Variants in PTPRN2 observed in about 807,000 individuals in gnomAD.
The protein encoded by PTPRN2 is receptor-type tyrosine-protein phosphatase N2.
Under a neutral mutation model 118.8 loss-of-function variants are expected in PTPRN2, and 74 were observed. That is an observed-to-expected ratio of 0.62 (90% confidence interval 0.52 to 0.76). The LOEUF (loss-of-function observed/expected upper bound fraction) is 0.76, where lower values mean the gene tolerates loss of function less well. Among genes scored for constraint, PTPRN2 ranks in the 30% least tolerant of loss-of-function variants. PTPRN2 has a pLI of 0.00. For missense variants in PTPRN2, 1,481 were observed against 1,394.4 expected (o/e 1.06, Z -0.99); for synonymous variants, 641 against 608.0 (o/e 1.05, Z -0.80).
chr7:158,306,353 A>G (rs1436773052), intron 3 of PTPRN2, among the ~76,000 whole-genome samples: 1 of 152,214 alleles, frequency 6.6e-6, no homozygotes, highest in Non-Finnish European at 1.5e-5. Flanking sequence ...CAGGGAAGAC[A>G]TGAGGCTCTA....
Position 157,617,970 on chromosome 7 carries a change from G to A in PTPRN2, c.2344+3392C>T, listed in dbSNP as rs1585119241. ...TGTTCTTCATCTGAAATGCAGACAA[G>A]CGAAATGCTGCATAATTCTTTTTTA... On this transcript the variant is annotated intron_variant, in intron 15 of 22. Transcript: ENST00000389418. This position sits in a 1 kb window ranked among gnomAD's most constrained non-coding sequence, Gnocchi z 7.5. The A allele has an allele frequency of 6.6e-6, 1 of 152,246 alleles. No homozygotes were observed. The highest frequency in any genetic ancestry group is 2.4e-5 in the African/African-American group (1 of 41,470). The allele number at this position is 152,246 out of a possible 1,614,324, so 9.4% of individuals were successfully genotyped here.
rs1168949465 is a variant in PTPRN2 at position 157,764,475 on chromosome 7, T to A, written c.1789-81538A>T. On this transcript the variant is annotated intron_variant, in intron 12 of 22. Coordinates refer to ENST00000389418, the MANE Select transcript of PTPRN2 (RefSeq NM_002847.5). The surrounding 1 kb of genome is among the most constrained non-coding windows in gnomAD (Gnocchi z 4.5). ...TGTTATGCTAAGTGAAATAAGCCAG[T>A]CACAATATGATAAACACTGTGTGAT... 3.9e-5 allele frequency among the ~76,000 whole-genome samples: 6 copies of A among 152,168 alleles called. No individual in the cohort carries two copies. The highest frequency in any genetic ancestry group is 1.4e-4 in the African/African-American group (6 of 41,424).
chr7:158,220,993 A>G (rs1027146094), intron 3 of PTPRN2, among the ~76,000 whole-genome samples: 1 of 152,200 alleles, frequency 6.6e-6, no homozygotes, highest in African/African-American at 2.4e-5. Flanking sequence ...TAACCAAAAC[A>G]GCATGGTACT....
chr7:157,672,865 G>C (rs567047449), intron 13 of PTPRN2, among the ~76,000 whole-genome samples: 14 of 152,236 alleles, frequency 9.2e-5, no homozygotes, highest in Admixed American at 9.2e-4. Context: ...TAATGTAATC[G>C]TCTGCGAATC....
chr7:158,394,424 C>G (rs1812172102), intron 2 of PTPRN2, among the ~76,000 whole-genome samples: 1 of 152,224 alleles, frequency 6.6e-6, no homozygotes, highest in Admixed American at 6.5e-5. Context: ...ACCTGTGGAA[C>G]TGCTGTCCCA....
At chr7:158,305,091 G>T (rs1360330753) in intron 3 of PTPRN2, among the ~76,000 whole-genome samples, 1 of 152,208 alleles carries the variant, frequency 6.6e-6, no homozygotes, top group Non-Finnish European at 1.5e-5. Flanking sequence ...CTGGTCAGCT[G>T]TGCCTGGACA....
intron 11 of PTPRN2, among the ~76,000 whole-genome samples, chr7:158,033,951 G>A (rs1358717628): frequency 6.6e-6 from 1 of 151,616 alleles, no homozygotes; most frequent in African/African-American, 2.4e-5. Flanking sequence ...GCAATGCTGT[G>A]TGTGTGGCTG....
chr7:157,615,289 C>A lies in PTPRN2; in HGVS notation c.2344+6073G>T. ...CACTTCTGCTCCAGAGAGGGCCCTG[C>A]AAGAGCGGTGTGCGTGGGTTGCGGC... On this transcript the variant is annotated intron_variant, in intron 15 of 22. Transcript: ENST00000389418. This position sits in a 1 kb window ranked among gnomAD's most constrained non-coding sequence, Gnocchi z 4.3. 2.7e-6 allele frequency: 1 copy of A among 364,396 alleles called. No homozygotes were observed. The highest frequency in any genetic ancestry group is 5.6e-6 in the Non-Finnish European group (1 of 178,330). 22.6% of individuals were successfully genotyped at this position (364,396 alleles called of 1,614,324 possible).
chr7:158,017,858 C>G (rs1281349599), intron 11 of PTPRN2, among the ~76,000 whole-genome samples: 1 of 152,208 alleles, frequency 6.6e-6, no homozygotes, highest in Non-Finnish European at 1.5e-5. Context: ...CCACCTGAGG[C>G]TGTGCCCATC....
chr7:158,358,376 G>A (rs185626457), intron 2 of PTPRN2, among the ~76,000 whole-genome samples: 8 of 152,340 alleles, frequency 5.3e-5, no homozygotes, highest in Admixed American at 2.6e-4. Context: ...GGCTGCAGGC[G>A]GCTCTGCCCT....
At chr7:158,251,005 GC>G (rs1158044733) in intron 3 of PTPRN2, among the ~76,000 whole-genome samples, 15 of 152,002 alleles carry the variant, frequency 9.9e-5, no homozygotes, top group Non-Finnish European at 1.2e-4. Context: ...GGAAGTTAAA[GC>G]CCCCTGGAAA....
chr7:157,622,471 C>T lies in PTPRN2; in HGVS notation c.2197-962G>A, dbSNP rs1431135398. ...ATTGATCCGAGGAGCTGGGATGGTC[C>T]CTCCCTGCCCACTGGGGCCCGTTCC... is the stretch of plus-strand genomic sequence containing the variant. On this transcript the variant is annotated intron_variant, in intron 14 of 22. Transcript: ENST00000389418. This position sits in a 1 kb window ranked among gnomAD's most constrained non-coding sequence, Gnocchi z 5.3. Among the ~76,000 whole-genome samples, 1 of 152,112 alleles carries T rather than the reference C, an allele frequency of 6.6e-6. No individual in the cohort carries two copies. Among genetic ancestry groups the T allele is most frequent in the East Asian group, 1.9e-4 (1 of 5,156 alleles).
intron 15 of PTPRN2, among the ~76,000 whole-genome samples, chr7:157,607,735 C>A (rs1802089858): frequency 6.6e-6 from 1 of 152,216 alleles, no homozygotes; most frequent in Admixed American, 6.5e-5. Flanking sequence ...TTGGACTCAG[C>A]AGACAAGTGC....
intron 9 of PTPRN2, among the ~76,000 whole-genome samples, chr7:158,132,319 T>C (rs1818406759): frequency 7.1e-6 from 1 of 140,714 alleles, no homozygotes; most frequent in Non-Finnish European, 1.6e-5. Flanking sequence ...TACACACTCA[T>C]ACACACACAT....
intron 2 of PTPRN2, among the ~76,000 whole-genome samples, chr7:158,388,358 C>T (rs1405899629): frequency 1.3e-5 from 2 of 152,196 alleles, no homozygotes; most frequent in African/African-American, 2.4e-5. Context: ...GACAGCCAGG[C>T]CACCTGCATT....
rs570678004 is a variant in PTPRN2 at position 157,919,780 on chromosome 7, G to A, written c.1724-21043C>T. Among the ~76,000 whole-genome samples, 24 of 152,280 alleles carry A rather than the reference G, an allele frequency of 1.6e-4. No homozygotes were observed. In the South Asian group the frequency reaches 3.1e-3, roughly 20 times the overall value. On this transcript the variant is annotated intron_variant, in intron 11 of 22. Transcript: ENST00000389418. ...ATATCTATTTATAGTCATGCACCAC[G>A]TACTAACGTTTTGGTCAGTGATGAA...
chr7:158,324,212 C>T (rs115777788), intron 2 of PTPRN2, among the ~76,000 whole-genome samples: 1,844 of 152,272 alleles, frequency 0.012, 40 homozygotes, highest in African/African-American at 0.042. Context: ...CAGGACCACC[C>T]TCTCCCCGGT....
Position 157,808,203 on chromosome 7 carries a change from G to A in PTPRN2, c.1788+90470C>T, listed in dbSNP as rs957559193. The stretch of plus-strand genomic sequence containing the variant: ...GTGAGTGGTGGGTGAGTGAGCTGTT[G>A]AGTGGCCGGTGAGTGGTGGGTGAGT... On this transcript the variant is annotated intron_variant, in intron 12 of 22. Transcript: ENST00000389418. The surrounding 1 kb of genome is among the most constrained non-coding windows in gnomAD (Gnocchi z 5.0). 4.0e-5 allele frequency among the ~76,000 whole-genome samples: 6 copies of A among 151,482 alleles called. No individual in the cohort carries two copies.
chr7:158,075,819 C>T (rs1435914374), intron 11 of PTPRN2, among the ~76,000 whole-genome samples: 5 of 152,244 alleles, frequency 3.3e-5, no homozygotes, highest in South Asian at 4.1e-4. Flanking sequence ...ACGAGCCCCA[C>T]GCCAGCCACA....
Sources: gnomAD v4.1 joint callset for allele counts (sites outside exome capture counted in the v4.1 genomes callset) on GRCh38, gnomAD v4.1.1 for gene constraint, Gnocchi (gnomAD v3.1) non-coding constraint, MANE v1.5 for transcripts, NCBI Gene and HGNC (gene_info 2026-07-23, HGNC 2026-07-21) for gene names.